Variants in LRCH2 observed in about 807,000 individuals in gnomAD.
LRCH2 encodes the protein leucine-rich repeat and calponin homology domain-containing protein 2.
A neutral mutation model predicts 68.9 loss-of-function variants in LRCH2; 38 were observed. The ratio of observed to expected loss-of-function variants is 0.55; its 90% CI spans 0.43 to 0.72. The LOEUF is 0.72. LRCH2 is among the 30% of genes least tolerant of loss of function. The pLI, the probability that LRCH2 is intolerant of heterozygous loss-of-function variation, is 0.00. For synonymous variants in LRCH2, 191 were observed against 208.1 expected (o/e 0.92, Z 0.71); for missense variants, 528 against 572.9 (o/e 0.92, Z 0.80).
intron 1 of LRCH2, chrX:115,198,374 G>A (rs782069968): frequency 8.9e-6 from 1 of 111,804 alleles, no homozygotes; most frequent in South Asian, 3.8e-4. Flanking sequence ...AAAGTAAAAA[G>A]AATTCTAAAA....
rs1478828517 is a variant in LRCH2 at position 115,111,622 on chromosome X, T to G, written c.*1594A>C. On this transcript the variant is annotated 3_prime_UTR_variant, in exon 21 of 21. Coordinates refer to ENST00000317135, the MANE Select transcript of LRCH2 (RefSeq NM_020871.4). ...TTTAAAATAATAAATTACTAATAAT[T>G]TAATTCTTAAACCATATACTCATAG... 1 of 111,311 alleles carries G rather than the reference T, an allele frequency of 9.0e-6. No individual in the cohort carries two copies. Among genetic ancestry groups the G allele is most frequent in the Admixed American group, 9.6e-5 (1 of 10,366 alleles). The allele number at this position is 111,311 out of a possible 1,213,427, so 9.2% of individuals were successfully genotyped here.
At chrX:115,216,967 C>T (rs782226747) in intron 1 of LRCH2, among the ~76,000 whole-genome samples, 4 of 111,613 alleles carry the variant, frequency 3.6e-5, no homozygotes, top group Non-Finnish European at 5.6e-5. Flanking sequence ...TATGAAAAAG[C>T]GAAGCACTAT....
chrX:115,212,791 C>A (rs1472824147), intron 1 of LRCH2, among the ~76,000 whole-genome samples: 2 of 109,016 alleles, frequency 1.8e-5, no homozygotes, highest in East Asian at 6.0e-4. Context: ...GGCAACATGG[C>A]AAAACCCCAT....
rs150868475 is a variant in LRCH2 at position 115,166,018 on chromosome X, C to T, written c.1087-66G>A. The T allele has an allele frequency of 1.3e-3, 1,018 of 804,786 alleles. 3 individuals are homozygous for T. In the African/African-American group the frequency reaches 0.019, roughly 15 times the overall value. 66.3% of individuals were successfully genotyped at this position (804,786 alleles called of 1,213,427 possible). A position where few individuals can be genotyped will look rare whatever the true frequency, so the allele number is the denominator to read the frequency against. ...ACTTACGATATGGATTATGTTACTT[C>T]AATTTTACATATGAATTACAGAATG... On this transcript the variant is annotated intron_variant, in intron 7 of 20. Coordinates refer to ENST00000317135, the MANE Select transcript of LRCH2 (RefSeq NM_020871.4).
At chrX:115,145,539 C>A (rs1472147331) in intron 14 of LRCH2, among the ~76,000 whole-genome samples, 1 of 110,691 alleles carries the variant, frequency 9.0e-6, no homozygotes, top group African/African-American at 3.3e-5. Flanking sequence ...GCAAACTACC[C>A]ATATGACAAG....
intron 11 of LRCH2, among the ~76,000 whole-genome samples, chrX:115,161,353 CA>C (rs1299120135): frequency 9.8e-5 from 10 of 102,555 alleles, no homozygotes; most frequent in African/African-American, 1.4e-4. Flanking sequence ...GACTCTGTCT[CA>C]AAAAAAAAAG....
intron 1 of LRCH2, among the ~76,000 whole-genome samples, chrX:115,209,629 G>A (rs1339708202): frequency 8.9e-6 from 1 of 112,111 alleles, no homozygotes; most frequent in Non-Finnish European, 1.9e-5. Context: ...GGGCACTGCT[G>A]AAAAGATACC....
intron 7 of LRCH2, 49 bp from the exon 8 acceptor site, chrX:115,166,001 T>C (rs1556544784): frequency 3.0e-5 from 27 of 888,391 alleles, no homozygotes; most frequent in Non-Finnish European, 4.0e-5. Context: ...AAACTTACGA[T>C]ATGGATTATG....
chrX:115,207,154 A>C (rs1556568539), intron 1 of LRCH2, among the ~76,000 whole-genome samples: 1 of 111,776 alleles, frequency 8.9e-6, no homozygotes, highest in African/African-American at 3.3e-5. Context: ...ATAATGAACA[A>C]ATAATTGAGA....
At chrX:115,189,600 C>T in intron 1 of LRCH2, 1 of 1,169,905 alleles carries the variant, frequency 8.5e-7, no homozygotes, top group Non-Finnish European at 1.1e-6. Context: ...GCTTCGCGTT[C>T]GTCACCTTCG....
chrX:115,169,467 A>C (rs2147393243), intron 6 of LRCH2, among the ~76,000 whole-genome samples: 1 of 111,915 alleles, frequency 8.9e-6, no homozygotes, highest in Non-Finnish European at 1.9e-5. Context: ...ATAATCTTTA[A>C]AAACTGAATC....
At chrX:115,144,812 A>G (rs781877873) in intron 14 of LRCH2, among the ~76,000 whole-genome samples, 1 of 112,285 alleles carries the variant, frequency 8.9e-6, no homozygotes, top group African/African-American at 3.2e-5. Flanking sequence ...ACAAATATGG[A>G]AAGATATTCC....
At chrX:115,123,830 T>C in intron 17 of LRCH2, 115 bp downstream of exon 17, 1 of 412,631 alleles carries the variant, frequency 2.4e-6, no homozygotes, top group South Asian at 5.6e-5. Flanking sequence ...AAAATTGCTT[T>C]TAGGAGAGGG....
rs782067861 is a variant in LRCH2 at position 115,112,129 on chromosome X, G to C, written c.*1087C>G. Reference sequence around the variant, plus strand: ...TAATTGAAGATCACAAGGTTTACAGGATTCACAAATGGCCAGATTTTGAGT... The same window carrying C: ...TAATTGAAGATCACAAGGTTTACAGCATTCACAAATGGCCAGATTTTGAGT... On this transcript the variant is annotated 3_prime_UTR_variant, in exon 21 of 21. Coordinates refer to ENST00000317135, the MANE Select transcript of LRCH2 (RefSeq NM_020871.4). The C allele has an allele frequency of 2.7e-5, 3 of 111,463 alleles. No homozygotes were observed. The highest frequency in any genetic ancestry group is 9.7e-5 in the African/African-American group (3 of 30,822). The allele number at this position is 111,463 out of a possible 1,213,427, so 9.2% of individuals were successfully genotyped here. A position where few individuals can be genotyped will look rare whatever the true frequency, so the allele number is the denominator to read the frequency against.
rs782150256 is a variant in LRCH2, at chrX:115,190,577, G to A, written c.350-2207C>T. 357 of 1,159,460 alleles carry A rather than the reference G, an allele frequency of 3.1e-4. No individual in the cohort carries two copies. The Middle Eastern group carries it at 3.7e-3, about 12-fold the overall frequency. Reference sequence around the variant, plus strand: ...AGCAGTTCCAGTAACGGTTACAGCCGGAGTGACCGCTACGGAGAAGAAGGC... The same window carrying A: ...AGCAGTTCCAGTAACGGTTACAGCCAGAGTGACCGCTACGGAGAAGAAGGC... On this transcript the variant is annotated intron_variant, in intron 1 of 20. Transcript: ENST00000317135.
Position 115,191,077 on chromosome X carries a change from C to A in LRCH2, c.350-2707G>T, listed in dbSNP as rs781978689. 3 of 1,160,242 alleles carry A rather than the reference C, an allele frequency of 2.6e-6. No individual in the cohort carries two copies. The African/African-American group carries it at 5.6e-5, about 22-fold the overall frequency. ...CAGCAACAGTTACGGCCAGAGCCAC[C>A]GCTATGGAGGAGAAGGCCGCTATGA... On this transcript the variant is annotated intron_variant, in intron 1 of 20. Coordinates refer to ENST00000317135, the MANE Select transcript of LRCH2 (RefSeq NM_020871.4).
intron 14 of LRCH2, among the ~76,000 whole-genome samples, chrX:115,135,252 C>T (rs1209227652): frequency 9.3e-6 from 1 of 107,698 alleles, no homozygotes; most frequent in Admixed American, 1.0e-4. Context: ...CACCCCCGAC[C>T]AAGTAGAGGG....
At chrX:115,211,564 T>TA (rs782431079) in intron 1 of LRCH2, among the ~76,000 whole-genome samples, 41 of 111,234 alleles carry the variant, frequency 3.7e-4, no homozygotes, top group Admixed American at 3.3e-3. Context: ...TTCCCAAAGG[T>TA]AAAAAAAATG....
intron 20 of LRCH2, among the ~76,000 whole-genome samples, chrX:115,118,284 G>GA (rs1393399735): frequency 4.6e-5 from 5 of 109,310 alleles, no homozygotes; most frequent in African/African-American, 6.6e-5. Flanking sequence ...GACTAATAAA[G>GA]AAAAAAAGAG....
Sources: allele counts gnomAD v4.1 joint callset (sites outside exome capture counted in the v4.1 genomes callset), GRCh38; gene constraint gnomAD v4.1.1; transcripts MANE v1.5; gene names NCBI Gene and HGNC (gene_info 2026-07-23, HGNC 2026-07-21).